DMD: variants seen among roughly 807,000 people sequenced by gnomAD.
DMD encodes mutant dystrophin.
A neutral mutation model predicts 330.1 loss-of-function variants in DMD; 63 were observed. The observed-to-expected ratio is 0.19, with a 90% CI of 0.16 to 0.24. The LOEUF (loss-of-function observed/expected upper bound fraction) is 0.24, where lower values mean the gene tolerates loss of function less well. Among genes scored for constraint, DMD ranks in the 10% least tolerant of loss-of-function variants. The pLI, the probability that DMD is intolerant of heterozygous loss-of-function variation, is 1.00. For missense variants in DMD, 3,344 were observed against 2,684.1 expected, an observed-to-expected ratio of 1.25 and a Z score of -5.43; for synonymous variants, 1,223 against 959.8, an observed-to-expected ratio of 1.27 and a Z score of -5.07.
At chrX:31,561,212 C>T in intron 55 of DMD, among the ~76,000 whole-genome samples, 1 of 112,018 alleles carries the variant, frequency 8.9e-6, no homozygotes. Context: ...GGAACTTTCT[C>T]CAGATTGAGG....
At chrX:32,931,764 G>C (rs2089616866) in intron 2 of DMD, among the ~76,000 whole-genome samples, 1 of 111,635 alleles carries the variant, frequency 9.0e-6, no homozygotes, top group Non-Finnish European at 1.9e-5. Flanking sequence ...AGCTAACTGA[G>C]TGTAACATAG....
At chrX:31,734,030 C>A (rs184617921) in intron 51 of DMD, among the ~76,000 whole-genome samples, 1 of 111,127 alleles carries the variant, frequency 9.0e-6, no homozygotes, top group East Asian at 2.8e-4. Context: ...TGAATAAATA[C>A]TTTATAAGAT....
rs148939529 is a variant in DMD at position 31,892,860 on chromosome X, G to A, written c.6913-17487C>T. ...TTACACATAGCATGACTGTATTTTT[G>A]CACTGATTGCAACGTCAAAATGATA... On this transcript the variant is annotated intron_variant, in intron 47 of 78. Transcript: ENST00000357033. Among the ~76,000 whole-genome samples the A allele has an allele frequency of 4.9e-3, 553 of 112,123 alleles. 3 individuals are homozygous for A. Among genetic ancestry groups the A allele is most frequent in the African/African-American group, 0.016 (485 of 30,933 alleles).
chrX:31,666,388 C>T (rs1569200750), intron 53 of DMD, among the ~76,000 whole-genome samples: 1 of 111,680 alleles, frequency 9.0e-6, no homozygotes, highest in South Asian at 3.8e-4. Context: ...CCATGGTCCC[C>T]GAGTGACTAA....
intron 7 of DMD, among the ~76,000 whole-genome samples, chrX:32,743,389 C>T (rs948502964): frequency 9.0e-6 from 1 of 111,302 alleles, no homozygotes; most frequent in Non-Finnish European, 1.9e-5. Context: ...TCCCTAGCAT[C>T]TCATCCCAAA....
At chrX:32,611,868 G>C (rs930008982) in intron 12 of DMD, among the ~76,000 whole-genome samples, 3 of 111,811 alleles carry the variant, frequency 2.7e-5, no homozygotes, top group African/African-American at 9.7e-5. Context: ...TGACTGGAAG[G>C]AACACTAGAA....
chrX:32,955,235 T>A (rs1472587322), intron 2 of DMD, among the ~76,000 whole-genome samples: 1 of 112,050 alleles, frequency 8.9e-6, no homozygotes, highest in Non-Finnish European at 1.9e-5. Flanking sequence ...ATAGCCGTCC[T>A]GACTGGTGTG....
chrX:32,229,508 C>G (rs2097159900), intron 43 of DMD, among the ~76,000 whole-genome samples: 1 of 105,112 alleles, frequency 9.5e-6, no homozygotes. Context: ...TCCATGAGAA[C>G]CTTTCTGATA....
At chrX:32,733,664 C>T (rs183627642) in intron 7 of DMD, among the ~76,000 whole-genome samples, 37 of 111,511 alleles carry the variant, frequency 3.3e-4, no homozygotes, top group Middle Eastern at 4.7e-3. Context: ...TGAATGACTA[C>T]GGGGTGCATA....
At chrX:32,104,513 CTT>C (rs2096555192) in intron 44 of DMD, among the ~76,000 whole-genome samples, 1 of 111,453 alleles carries the variant, frequency 9.0e-6, no homozygotes, top group Admixed American at 9.6e-5. Flanking sequence ...CAATGTCTCC[CTT>C]TTTAGAACCA....
intron 61 of DMD, among the ~76,000 whole-genome samples, chrX:31,345,910 G>A (rs1384101046): frequency 1.8e-5 from 2 of 111,324 alleles, no homozygotes; most frequent in Non-Finnish European, 3.8e-5. Context: ...ATCTATTATC[G>A]ATGTATGACA....
intron 55 of DMD, among the ~76,000 whole-genome samples, chrX:31,610,874 A>T (rs999279349): frequency 3.6e-5 from 4 of 111,396 alleles, no homozygotes; most frequent in Non-Finnish European, 7.5e-5. Context: ...AAACATGAAA[A>T]TGGTAATGGA....
chrX:31,399,041 T>C (rs2061070548), intron 60 of DMD, among the ~76,000 whole-genome samples: 1 of 111,365 alleles, frequency 9.0e-6, no homozygotes, highest in Non-Finnish European at 1.9e-5. Flanking sequence ...AGCGCCCTTT[T>C]AGCTTTGCCA....
At chrX:32,590,016 T>C (rs892093878) in intron 13 of DMD, among the ~76,000 whole-genome samples, 1 of 111,781 alleles carries the variant, frequency 8.9e-6, no homozygotes, top group Non-Finnish European at 1.9e-5. Context: ...TGCTAAAAGG[T>C]TCAGGAAAAT....
At position 31,343,040 on chromosome X, in the gene DMD, A is replaced by T. The variant is rs1443938130; in HGVS notation, c.9163+5516T>A. ...TGATCTGCCCACCTCAGCCTCCCAA[A>T]GTGATGGGATTACAGGTGTGAGCCA... On this transcript the variant is annotated intron_variant, in intron 61 of 78. Coordinates refer to ENST00000357033, the MANE Select transcript of DMD (RefSeq NM_004006.3). 2.7e-5 allele frequency among the ~76,000 whole-genome samples: 3 copies of T among 111,416 alleles called. No homozygotes were observed. In the East Asian group the frequency reaches 8.4e-4, roughly 31 times the overall value.
At chrX:32,803,019 T>C (rs2148703829) in intron 7 of DMD, among the ~76,000 whole-genome samples, 1 of 111,830 alleles carries the variant, frequency 8.9e-6, no homozygotes, top group Non-Finnish European at 1.9e-5. Context: ...TTTCTATTGT[T>C]TGGAATAGTT....
At chrX:32,886,575 C>G (rs192952574) in intron 2 of DMD, among the ~76,000 whole-genome samples, 1,418 of 109,474 alleles carry the variant, frequency 0.013, 18 homozygotes, top group East Asian at 0.064. Flanking sequence ...CCCAGCTACT[C>G]GGGAGGCTGA....
At chrX:32,806,480 C>T (rs976920131) in intron 7 of DMD, among the ~76,000 whole-genome samples, 6 of 111,200 alleles carry the variant, frequency 5.4e-5, no homozygotes, top group African/African-American at 2.0e-4. Context: ...TAGAGACAGA[C>T]TCCCAAACAA....
At chrX:32,730,834 G>C (rs189791023) in intron 7 of DMD, among the ~76,000 whole-genome samples, 3 of 112,151 alleles carry the variant, frequency 2.7e-5, no homozygotes, top group African/African-American at 9.7e-5. Context: ...CAGAAAAAGA[G>C]TAGGAATAGA....
Sources: allele counts gnomAD v4.1 joint callset (sites outside exome capture counted in the v4.1 genomes callset), GRCh38; gene constraint gnomAD v4.1.1; transcripts MANE v1.5; gene names NCBI Gene and HGNC (gene_info 2026-07-23, HGNC 2026-07-21).